Variants in BRCA2 observed in about 807,000 individuals in gnomAD.
BRCA2 encodes the protein BRCA2 DNA repair associated, also known as breast cancer type 2 susceptibility protein.
Under a neutral mutation model 276.7 loss-of-function variants are expected in BRCA2, and 203 were observed. That is an observed-to-expected ratio of 0.73 (90% CI 0.65 to 0.82). BRCA2 has a LOEUF of 0.82. BRCA2 is among the 40% of genes least tolerant of loss of function. BRCA2 has a pLI of 0.00. For synonymous variants in BRCA2, 1,289 were observed against 1,338.4 expected (o/e 0.96, Z 0.81); for missense variants, 3,920 against 3,915.0 (o/e 1.00, Z -0.03).
rs80358402 is a variant in BRCA2, at chr13:32,398,735, A to T, written c.10222A>T (p.Lys3408Ter). Reference protein sequence around the residue: ...QASTEECEKNKQDTITTKKYI With the variant: ...QASTEECEKN ...CAGTACGGAAGAATGTGAGAAAAAT[A>T]AGCAGGACACAATTACAACTAAAAA... Residue 3408 changes from lysine to a stop codon, truncating the protein, a stop_gained, in exon 27 of 27, where the codon AAG (lysine) becomes TAG (stop). Transcript: ENST00000380152. LOFTEE classifies it low-confidence loss of function (END_TRUNC). 1.7e-5 allele frequency: 28 copies of T among 1,613,940 alleles called. No homozygotes were observed. Among genetic ancestry groups the T allele is most frequent in the Non-Finnish European group, 2.0e-5 (24 of 1,180,002 alleles).
chr13:32,353,796 A>T (rs1007328630), intron 13 of BRCA2, among the ~76,000 whole-genome samples: 2 of 152,198 alleles, frequency 1.3e-5, no homozygotes, highest in African/African-American at 4.8e-5. Context: ...TTTCAACAAG[A>T]TATCAAGTAT....
chr13:32,342,327 T>C (rs1328472913), intron 11 of BRCA2, among the ~76,000 whole-genome samples: 1 of 151,716 alleles, frequency 6.6e-6, no homozygotes, highest in African/African-American at 2.4e-5. Flanking sequence ...TGACATATAG[T>C]AGGCAGAGAG....
At position 32,355,046 on chromosome 13, in the gene BRCA2, C is replaced by G. The variant is rs80358947; in HGVS notation, c.7193C>G (p.Thr2398Ser). 2 of 1,614,056 alleles carry G rather than the reference C, an allele frequency of 1.2e-6. No individual in the cohort carries two copies. Among genetic ancestry groups the G allele is most frequent in the Non-Finnish European group, 1.7e-6 (2 of 1,179,930 alleles). ...AATGAAAAAATGAGACACTTGATTACTACAGGCAGACCAACCAAAGTCTTT... is the reference window on the plus strand; with the variant it reads ...AATGAAAAAATGAGACACTTGATTAGTACAGGCAGACCAACCAAAGTCTTT... ...TRNEKMRHLITTGRPTKVFVP... is the reference protein window; with the variant it reads ...TRNEKMRHLISTGRPTKVFVP... Residue 2398 changes from threonine to serine, a missense_variant, in exon 14 of 27, where the codon ACT (threonine) becomes AGT (serine). Around this residue, in one of 2 missense-constraint regions of BRCA2, gnomAD observed 3,263 missense variants for 3,156.9 expected, o/e 1.03. Transcript: ENST00000380152.
At position 32,346,750 on chromosome 13, in the gene BRCA2, T is replaced by A; in HGVS notation, c.6938-77T>A. On this transcript the variant is annotated intron_variant, in intron 12 of 26. Coordinates refer to ENST00000380152, the MANE Select transcript of BRCA2 (RefSeq NM_000059.4). ...TTGTAAAGCCTATAATTGTCTCAAA[T>A]TTTTTGTGTATTTACAGTAACATGG... 3 of 1,206,870 alleles carry A rather than the reference T, an allele frequency of 2.5e-6. No individual in the cohort carries two copies. In the South Asian group the frequency reaches 4.2e-5, roughly 17 times the overall value. The allele number at this position is 1,206,870 out of a possible 1,614,324, so 74.8% of individuals were successfully genotyped here. A position where few individuals can be genotyped will look rare whatever the true frequency, so the allele number is the denominator to read the frequency against.
intron 19 of BRCA2, 28 bp downstream of exon 19, chr13:32,370,585 A>C (rs766709113): frequency 6.3e-7 from 1 of 1,595,036 alleles, no homozygotes; most frequent in Admixed American, 1.7e-5. Context: ...AACTTACCAT[A>C]TATTTCTTTC....
At chr13:32,376,645 A>G (rs781364372) in intron 20 of BRCA2, 25 bp from the exon 21 acceptor site, 1 of 1,612,246 alleles carries the variant, frequency 6.2e-7, no homozygotes, top group Non-Finnish European at 8.5e-7. Flanking sequence ...AGTTTAGTGA[A>G]TTAATAATCC....
At chr13:32,318,445 T>C (rs969246128) in intron 2 of BRCA2, among the ~76,000 whole-genome samples, 1 of 152,134 alleles carries the variant, frequency 6.6e-6, no homozygotes, top group Non-Finnish European at 1.5e-5. Context: ...ATGTATTTTT[T>C]TTTTTTTCTT....
intron 13 of BRCA2, among the ~76,000 whole-genome samples, chr13:32,351,733 G>A (rs2072652720): frequency 6.6e-6 from 1 of 151,964 alleles, no homozygotes; most frequent in African/African-American, 2.4e-5. Context: ...ATCTTTTCTA[G>A]CTGATAAATT....
chr13:32,386,362 C>T (rs573433250), intron 24 of BRCA2, among the ~76,000 whole-genome samples: 39 of 152,080 alleles, frequency 2.6e-4, no homozygotes, highest in Non-Finnish European at 4.7e-4. Flanking sequence ...GAAATGAGAT[C>T]GCACCACTGC....
intron 21 of BRCA2, among the ~76,000 whole-genome samples, chr13:32,378,475 G>A (rs2072888852): frequency 6.6e-6 from 1 of 152,110 alleles, no homozygotes; most frequent in Non-Finnish European, 1.5e-5. Context: ...TTGAAATCAG[G>A]TTTTACAACA....
intron 3 of BRCA2, among the ~76,000 whole-genome samples, chr13:32,320,836 A>T (rs1045425383): frequency 6.6e-6 from 1 of 152,208 alleles, no homozygotes; most frequent in East Asian, 1.9e-4. Context: ...GTCTTTGGAG[A>T]TAACGTTTTT....
intron 16 of BRCA2, among the ~76,000 whole-genome samples, chr13:32,359,040 G>A (rs1484421374): frequency 2.0e-5 from 3 of 151,968 alleles, no homozygotes; most frequent in Non-Finnish European, 2.9e-5. Context: ...TGGCCAACAT[G>A]GCAAAACCCC....
rs1044538674 is a variant in BRCA2, at chr13:32,370,898, C to G, written c.8488-58C>G. 2.5e-6 allele frequency: 4 copies of G among 1,604,432 alleles called. No homozygotes were observed. In the African/African-American group the frequency reaches 4.0e-5, roughly 16 times the overall value. ...GTGAGCCACTGTGCCTGGCCTGATACAATTAACTTGAATGTTATATATGTG... is the reference window on the plus strand; with the variant it reads ...GTGAGCCACTGTGCCTGGCCTGATAGAATTAACTTGAATGTTATATATGTG... On this transcript the variant is annotated intron_variant, in intron 19 of 26. Transcript: ENST00000380152.
chr13:32,323,238 C>A (rs553320784), intron 3 of BRCA2, among the ~76,000 whole-genome samples: 1 of 151,544 alleles, frequency 6.6e-6, no homozygotes, highest in Non-Finnish European at 1.5e-5. Flanking sequence ...CTGCAAGCTC[C>A]GCCTCCCAGG....
chr13:32,391,175 GA>G (rs1224894983), intron 24 of BRCA2, among the ~76,000 whole-genome samples: 3 of 152,178 alleles, frequency 2.0e-5, no homozygotes, highest in African/African-American at 7.2e-5. Flanking sequence ...AATTAAACGA[GA>G]ACCTTTCTTA....
At position 32,397,009 on chromosome 13, in the gene BRCA2, G is replaced by A. The variant is rs528504546; in HGVS notation, c.9613G>A (p.Ala3205Thr). The A allele has an allele frequency of 6.2e-7, 1 of 1,614,018 alleles. No homozygotes were observed. The highest frequency in any genetic ancestry group is 8.5e-7 in the Non-Finnish European group (1 of 1,179,954). ...AGACTGTACTTCAGGGCCGTACACT[G>A]CTCAAATCATTCCTGGTACAGGAAA... The part of the protein sequence containing the change: ...TKDCTSGPYT[A>T]QIIPGTGNKL... The change falls in exon 26 of 27, where the codon GCT becomes ACT. Residue 3205 changes from alanine to threonine, a missense_variant. Physicochemically the swap from Ala to Thr is moderately conservative, Grantham distance 58. Coordinates refer to ENST00000380152, the MANE Select transcript of BRCA2 (RefSeq NM_000059.4).
intron 13 of BRCA2, among the ~76,000 whole-genome samples, chr13:32,354,300 C>G (rs979054541): frequency 1.3e-5 from 2 of 152,018 alleles, no homozygotes; most frequent in Admixed American, 6.6e-5. Flanking sequence ...GCTACATTAC[C>G]TATTGAAGAA....
At chr13:32,316,923 C>T (rs1041003904) in intron 2 of BRCA2, among the ~76,000 whole-genome samples, 4 of 152,104 alleles carry the variant, frequency 2.6e-5, no homozygotes, top group African/African-American at 9.7e-5. Flanking sequence ...TAAGGCTGGG[C>T]GTGGTGGCTC....
At chr13:32,325,220 A>C in intron 4 of BRCA2, 36 bp downstream of exon 4, 1 of 1,399,254 alleles carries the variant, frequency 7.1e-7, no homozygotes, top group Non-Finnish European at 1.0e-6. Context: ...TATTTAAATG[A>C]AACATTTTCC....
Sources: allele counts gnomAD v4.1 joint callset (sites outside exome capture counted in the v4.1 genomes callset), GRCh38; gene constraint gnomAD v4.1.1; regional missense constraint gnomAD v4.1.1; transcripts MANE v1.5; gene names NCBI Gene and HGNC (gene_info 2026-07-23, HGNC 2026-07-21).